The following CNTNAP2 variants were observed in gnomAD, a reference collection of about 807,000 sequenced individuals.
CNTNAP2 encodes the protein contactin-associated protein-like 2.
CNTNAP2 carries 98 observed loss-of-function variants against 155.2 expected under a neutral mutation model. The ratio of observed to expected loss-of-function variants is 0.63; its 90% CI spans 0.54 to 0.75. The LOEUF (loss-of-function observed/expected upper bound fraction) is 0.75, where lower values mean the gene tolerates loss of function less well. CNTNAP2 is among the 30% of genes least tolerant of loss of function. The pLI is 0.00. For synonymous variants in CNTNAP2, 651 were observed against 631.2 expected (o/e 1.03, Z -0.47); for missense variants, 1,727 against 1,688.1 (o/e 1.02, Z -0.40).
chr7:147,711,721 C>T (rs1796402847), intron 13 of CNTNAP2, among the ~76,000 whole-genome samples: 1 of 152,162 alleles, frequency 6.6e-6, no homozygotes, highest in African/African-American at 2.4e-5. Context: ...TCAAAGATTC[C>T]ATTTTTAACA....
intron 13 of CNTNAP2, among the ~76,000 whole-genome samples, chr7:147,840,468 A>T (rs1798710558): frequency 6.6e-6 from 1 of 152,150 alleles, no homozygotes; most frequent in Non-Finnish European, 1.5e-5. Context: ...CAGCATGTCC[A>T]GGTAGCTCTA....
intron 1 of CNTNAP2, among the ~76,000 whole-genome samples, chr7:146,154,546 C>T (rs1798096944): frequency 6.6e-6 from 1 of 152,168 alleles, no homozygotes; most frequent in Admixed American, 6.6e-5. Flanking sequence ...TTTCAGATAA[C>T]AACTGGAATT....
At chr7:146,361,373 C>T (rs1432721202) in intron 1 of CNTNAP2, among the ~76,000 whole-genome samples, 2 of 152,130 alleles carry the variant, frequency 1.3e-5, no homozygotes, top group East Asian at 1.9e-4. Flanking sequence ...GTTCTGTAAC[C>T]AGTCCCCCAC....
Position 147,044,036 on chromosome 7 carries a change from G to T in CNTNAP2, c.532G>T (p.Val178Phe). The change falls in exon 4 of 24, where the codon GTT becomes TTT. Residue 178 changes from valine (V) to phenylalanine (F), a missense_variant. Physicochemically the swap from Val to Phe is conservative, Grantham distance 50 (BLOSUM62 -1). Coordinates refer to ENST00000361727, the MANE Select transcript of CNTNAP2 (RefSeq NM_014141.6). ...AGGTCGCATTGGACTCAGAATTGAA[G>T]TTTATGGCTGTTCTTACTGTGAGTA... Reference protein sequence around the residue: ...GEGRIGLRIEVYGCSYWADVI... With the variant: ...GEGRIGLRIEFYGCSYWADVI... 10 of 1,614,132 alleles carry T rather than the reference G, an allele frequency of 6.2e-6. No individual in the cohort carries two copies. Among genetic ancestry groups the T allele is most frequent in the Non-Finnish European group, 8.5e-6 (10 of 1,179,998 alleles).
intron 3 of CNTNAP2, among the ~76,000 whole-genome samples, chr7:146,911,698 C>T (rs1257979392): frequency 6.6e-6 from 1 of 151,088 alleles, no homozygotes; most frequent in Non-Finnish European, 1.5e-5. Flanking sequence ...GGAGGTATAC[C>T]TAAGGCTAGA....
chr7:147,471,410 G>C (rs1798213932), intron 10 of CNTNAP2, among the ~76,000 whole-genome samples: 1 of 152,186 alleles, frequency 6.6e-6, no homozygotes, highest in Non-Finnish European at 1.5e-5. Flanking sequence ...GATGAGGGTA[G>C]CTATTTACAA....
At chr7:146,239,580 C>G (rs1799527010) in intron 1 of CNTNAP2, among the ~76,000 whole-genome samples, 1 of 152,174 alleles carries the variant, frequency 6.6e-6, no homozygotes, top group South Asian at 2.1e-4. Flanking sequence ...TCCCTCCAGC[C>G]TACCTCAGTG....
At chr7:146,416,646 A>G (rs1233044179) in intron 1 of CNTNAP2, among the ~76,000 whole-genome samples, 2 of 152,140 alleles carry the variant, frequency 1.3e-5, no homozygotes, top group Non-Finnish European at 2.9e-5. Flanking sequence ...TAAAGCCATA[A>G]AATCATACAG....
intron 8 of CNTNAP2, among the ~76,000 whole-genome samples, chr7:147,213,331 A>C (rs575508426): frequency 6.6e-6 from 1 of 152,120 alleles, no homozygotes; most frequent in Non-Finnish European, 1.5e-5. Flanking sequence ...CATCTTCTTT[A>C]CTCAGTTTGC....
chr7:147,313,952 G>T (rs1355147850), intron 9 of CNTNAP2, among the ~76,000 whole-genome samples: 1 of 151,464 alleles, frequency 6.6e-6, no homozygotes, highest in Non-Finnish European at 1.5e-5. Flanking sequence ...GCAGGGGTTT[G>T]TAGTTCTCCT....
chr7:146,596,684 A>C (rs1798867006), intron 1 of CNTNAP2, among the ~76,000 whole-genome samples: 1 of 136,720 alleles, frequency 7.3e-6, no homozygotes, highest in Non-Finnish European at 1.6e-5. Flanking sequence ...TTTATTCATC[A>C]CTATAACAGT....
chr7:146,967,435 C>A (rs1431272720), intron 3 of CNTNAP2, among the ~76,000 whole-genome samples: 1 of 152,080 alleles, frequency 6.6e-6, no homozygotes, highest in Non-Finnish European at 1.5e-5. Context: ...TTCTTCCTAC[C>A]CATGAGCATG....
intron 8 of CNTNAP2, among the ~76,000 whole-genome samples, chr7:147,271,672 A>G (rs1804756904): frequency 6.6e-6 from 1 of 152,158 alleles, no homozygotes; most frequent in Non-Finnish European, 1.5e-5. Flanking sequence ...GAGCTAAGTG[A>G]AAAGAGAAAC....
At chr7:147,045,809 GAC>G (rs201186337) in intron 4 of CNTNAP2, among the ~76,000 whole-genome samples, 1 of 151,234 alleles carries the variant, frequency 6.6e-6, no homozygotes, top group East Asian at 1.9e-4. Context: ...AATAAATACA[GAC>G]ACACACACAC....
At chr7:147,168,952 G>A (rs1802174778) in intron 8 of CNTNAP2, among the ~76,000 whole-genome samples, 1 of 152,082 alleles carries the variant, frequency 6.6e-6, no homozygotes. Context: ...AGATAAATCA[G>A]TGCCTTTATA....
chr7:147,970,952 T>C (rs1021473258), intron 14 of CNTNAP2, among the ~76,000 whole-genome samples: 2 of 152,192 alleles, frequency 1.3e-5, no homozygotes, highest in Non-Finnish European at 2.9e-5. Context: ...CTCTTGTTAA[T>C]GAATGTCTAT....
intron 12 of CNTNAP2, among the ~76,000 whole-genome samples, chr7:147,609,572 A>G (rs1340308089): frequency 1.3e-5 from 2 of 152,080 alleles, no homozygotes; most frequent in African/African-American, 4.8e-5. Flanking sequence ...TGGGGGAGAC[A>G]GACAATACAA....
At chr7:147,421,817 A>C (rs1263963370) in intron 10 of CNTNAP2, among the ~76,000 whole-genome samples, 2 of 151,834 alleles carry the variant, frequency 1.3e-5, no homozygotes, top group East Asian at 3.9e-4. Context: ...TTCACTTGAG[A>C]CCTGGTCATT....
chr7:146,546,266 T>C (rs1798028014), intron 1 of CNTNAP2, among the ~76,000 whole-genome samples: 1 of 151,984 alleles, frequency 6.6e-6, no homozygotes, highest in Admixed American at 6.6e-5. Context: ...TTCTGACTCT[T>C]CTTAAGCAGG....
Sources: allele counts gnomAD v4.1 joint callset (sites outside exome capture counted in the v4.1 genomes callset), GRCh38; gene constraint gnomAD v4.1.1; transcripts MANE v1.5; gene names NCBI Gene and HGNC (gene_info 2026-07-23, HGNC 2026-07-21).